NECAB2: variants seen among roughly 807,000 people sequenced by gnomAD.
The protein encoded by NECAB2 is N-terminal EF-hand calcium-binding protein 2.
A neutral mutation model predicts 51.9 loss-of-function variants in NECAB2; 68 were observed. The observed-to-expected ratio is 1.31, with a 90% CI of 1.08 to 1.60. The LOEUF is 1.60. Ranked by LOEUF, NECAB2 falls within the 40% of genes most tolerant of loss-of-function variation. NECAB2 has a pLI of 0.00. For missense variants in NECAB2, 854 were observed against 490.3 expected (o/e 1.74, Z -7.00); for synonymous variants, 329 against 203.5 (o/e 1.62, Z -5.25).
Position 83,999,740 on chromosome 16 carries a change from T to G in NECAB2, c.963-984T>G, listed in dbSNP as rs550484638. 1.4e-4 allele frequency among the ~76,000 whole-genome samples: 22 copies of G among 152,180 alleles called. No individual in the cohort carries two copies. The East Asian group carries it at 3.1e-3, about 21-fold the overall frequency. On this transcript the variant is annotated intron_variant, in intron 10 of 12. Transcript: ENST00000305202. ...CAATGGGGGACTTGCCTGCAGCCCC[T>G]TCCTCTGTGGCCCAGCACCCCCTCC...
In NECAB2 at chr16:83,977,720, G is replaced by A. The variant is rs150548741; in HGVS notation, c.227-724G>A. Among the ~76,000 whole-genome samples the A allele has an allele frequency of 3.6e-3, 550 of 152,316 alleles. 3 individuals are homozygous for A. The highest frequency in any genetic ancestry group is 6.8e-3 in the Middle Eastern group (2 of 294). ...TCTAGATGGCTGCATCTGTGGCCTG[G>A]GAGAGGAGGTAACTGAGAACCTCAT... On this transcript the variant is annotated intron_variant, in intron 2 of 12. Transcript: ENST00000305202.
intron 5 of NECAB2, 69 bp downstream of exon 5, chr16:83,981,196 G>C (rs1294338696): frequency 1.4e-6 from 2 of 1,430,690 alleles, no homozygotes; most frequent in African/African-American, 2.9e-5. Flanking sequence ...CTTGCCTAAG[G>C]ATGCCTGGAT....
At position 83,998,203 on chromosome 16, in the gene NECAB2, A is replaced by G; in HGVS notation, c.850-2A>G. On this transcript the variant is annotated splice_acceptor_variant, in intron 9 of 12. Transcript: ENST00000305202. LOFTEE classifies it high-confidence loss of function. The stretch of plus-strand genomic sequence containing the variant: ...CACACTGACTCCTGCTGTGCCCGGC[A>G]GCACCTGCAGCTGGTCCGGCAGGAG... The G allele has an allele frequency of 6.2e-7, 1 of 1,608,398 alleles. No homozygotes were observed.
chr16:83,980,220 T>A (rs1490500704), intron 3 of NECAB2, among the ~76,000 whole-genome samples: 1 of 152,174 alleles, frequency 6.6e-6, no homozygotes, highest in Non-Finnish European at 1.5e-5. Context: ...CCTCAGCTTA[T>A]CAAATCTGCT....
chr16:83,979,970 C>A (rs1387154750), intron 3 of NECAB2, among the ~76,000 whole-genome samples: 1 of 152,138 alleles, frequency 6.6e-6, no homozygotes, highest in Non-Finnish European at 1.5e-5. Flanking sequence ...GCAGGACTTG[C>A]CAGAACTCTG....
chr16:83,984,027 G>C lies in NECAB2; in HGVS notation c.459+2900G>C, dbSNP rs181721061. On this transcript the variant is annotated intron_variant, in intron 5 of 12. Transcript: ENST00000305202. ...TTTTTTTTTTTTTTGACGGAGTCTC[G>C]CTCTGTCATCCAGGCTGGAGTGCAG... 1.5e-3 allele frequency among the ~76,000 whole-genome samples: 199 copies of C among 132,482 alleles called. 1 individual carries two copies. The highest frequency in any genetic ancestry group is 5.7e-3 in the African/African-American group (194 of 34,222). The allele number at this position is 132,482 out of a possible 152,430, so 86.9% of individuals were successfully genotyped here. A position where few individuals can be genotyped will look rare whatever the true frequency, so the allele number is the denominator to read the frequency against.
chr16:84,001,693 GCT>G (rs1413768122), intron 11 of NECAB2, 130 bp from the exon 12 acceptor site: 11 of 897,246 alleles, frequency 1.2e-5, no homozygotes, highest in Non-Finnish European at 1.9e-5. Flanking sequence ...TCCCACAAAG[GCT>G]CTGAGTCCAA....
rs752665689 is a variant in NECAB2 at position 84,001,923 on chromosome 16, G to A, written c.1132+7G>A. The A allele has an allele frequency of 4.3e-6, 7 of 1,613,578 alleles. No individual in the cohort carries two copies. Among genetic ancestry groups the A allele is most frequent in the East Asian group, 2.2e-5 (1 of 44,882 alleles). On this transcript the variant is annotated splice_region_variant and intron_variant, in intron 12 of 12. Coordinates refer to ENST00000305202, the MANE Select transcript of NECAB2 (RefSeq NM_019065.3). ...TCCAGGATCTTGGTGCCAGGTAGGGGGCAAAGGCCTGGAACTGCAGTGGCC... is the reference window on the plus strand; with the variant it reads ...TCCAGGATCTTGGTGCCAGGTAGGGAGCAAAGGCCTGGAACTGCAGTGGCC...
Position 83,997,204 on chromosome 16 carries a change from G to GGATT in NECAB2, c.796-10_796-7dup, listed in dbSNP as rs1186911436. 1 of 1,614,114 alleles carries GGATT rather than the reference G, an allele frequency of 6.2e-7. No individual in the cohort carries two copies. Among genetic ancestry groups the GGATT allele is most frequent in the Admixed American group, 1.7e-5 (1 of 60,016 alleles). ...TCTGGGTCTAGCATCACTGTGTGCT[G>GGATT]GATTGTTTCAGGCACTGTGGTTCGA... is the stretch of plus-strand genomic sequence containing the variant. On this transcript the variant is annotated splice_polypyrimidine_tract_variant and intron_variant, in intron 8 of 12. Coordinates refer to ENST00000305202, the MANE Select transcript of NECAB2 (RefSeq NM_019065.3).
intron 8 of NECAB2, among the ~76,000 whole-genome samples, chr16:83,995,898 T>C (rs1012745465): frequency 1.3e-5 from 2 of 152,162 alleles, no homozygotes; most frequent in Non-Finnish European, 2.9e-5. Flanking sequence ...TCATAACAAC[T>C]CAGCGGGCGC....
intron 1 of NECAB2, among the ~76,000 whole-genome samples, chr16:83,969,404 C>T (rs570004463): frequency 2.0e-5 from 3 of 152,252 alleles, no homozygotes; most frequent in African/African-American, 7.2e-5. Flanking sequence ...CTTCTGTCTT[C>T]TCGTCTCCTT....
At chr16:83,984,905 C>T (rs1202881453) in intron 5 of NECAB2, among the ~76,000 whole-genome samples, 1 of 152,148 alleles carries the variant, frequency 6.6e-6, no homozygotes, top group African/African-American at 2.4e-5. Context: ...TTATTTATAG[C>T]TCCTATCATT....
At chr16:83,979,288 C>T (rs1001365759) in intron 3 of NECAB2, among the ~76,000 whole-genome samples, 1 of 152,146 alleles carries the variant, frequency 6.6e-6, no homozygotes, top group Non-Finnish European at 1.5e-5. Flanking sequence ...GATGAGGACC[C>T]AAGCTTCTGG....
At chr16:83,979,121 C>T (rs963225494) in intron 3 of NECAB2, among the ~76,000 whole-genome samples, 1 of 152,218 alleles carries the variant, frequency 6.6e-6, no homozygotes, top group African/African-American at 2.4e-5. Context: ...AATGCAGATT[C>T]TACTCAGACT....
Position 83,981,147 on chromosome 16 carries a change from C to T in NECAB2, c.459+20C>T, listed in dbSNP as rs757852017. 9.1e-5 allele frequency: 138 copies of T among 1,515,350 alleles called. 1 individual carries two copies. Among genetic ancestry groups the T allele is most frequent in the Non-Finnish European group, 1.1e-4 (120 of 1,120,484 alleles). 93.9% of individuals were successfully genotyped at this position (1,515,350 alleles called of 1,614,324 possible). ...AAGAAGGTCAGTGGGTGTAGGTGGC[C>T]CCCGGGGTCCAGGGCTCCAGTGCTG... On this transcript the variant is annotated intron_variant, in intron 5 of 12. Transcript: ENST00000305202.
chr16:83,986,860 T>A (rs570505381), intron 5 of NECAB2, among the ~76,000 whole-genome samples: 1 of 152,212 alleles, frequency 6.6e-6, no homozygotes, highest in East Asian at 1.9e-4. Context: ...ATGGTCTATA[T>A]CCACAGAGTT....
At chr16:83,982,076 A>G (rs1265508533) in intron 5 of NECAB2, among the ~76,000 whole-genome samples, 1 of 152,218 alleles carries the variant, frequency 6.6e-6, no homozygotes, top group African/African-American at 2.4e-5. Flanking sequence ...TGAGCCAAGT[A>G]AGGCCTCTGA....
intron 5 of NECAB2, among the ~76,000 whole-genome samples, chr16:83,984,766 C>T (rs1211686910): frequency 6.6e-6 from 1 of 152,152 alleles, no homozygotes. Flanking sequence ...CTGTAGCTCA[C>T]ATCTTAAGTT....
chr16:83,971,850 G>C (rs2084350248), intron 1 of NECAB2: 2 of 559,350 alleles, frequency 3.6e-6, no homozygotes, highest in Non-Finnish European at 6.4e-6. Context: ...ACTGATGACT[G>C]TGGACCTACA....
Sources: gnomAD v4.1 joint callset for allele counts (sites outside exome capture counted in the v4.1 genomes callset) on GRCh38, gnomAD v4.1.1 for gene constraint, MANE v1.5 for transcripts, NCBI Gene and HGNC (gene_info 2026-07-23, HGNC 2026-07-21) for gene names.